Variants in CDH1 observed in about 807,000 individuals in gnomAD.
CDH1 encodes the protein cadherin 1, also known as cadherin-1.
A neutral mutation model predicts 84.5 loss-of-function variants in CDH1; 35 were observed. The ratio of observed to expected loss-of-function variants is 0.41; its 90% CI spans 0.32 to 0.55. CDH1 has a LOEUF of 0.55. CDH1 is among the 20% of genes least tolerant of loss of function. The pLI is 0.19. For missense variants in CDH1, 994 were observed against 1,126.6 expected (o/e 0.88, Z 1.68); for synonymous variants, 417 against 439.0 (o/e 0.95, Z 0.63).
chr16:68,794,511 A>G (rs1960302106), intron 2 of CDH1, among the ~76,000 whole-genome samples: 1 of 151,880 alleles, frequency 6.6e-6, no homozygotes, highest in African/African-American at 2.4e-5. Flanking sequence ...AAAATTTGTT[A>G]TTTTAATTTT....
chr16:68,795,313 T>C (rs1379264592), intron 2 of CDH1, among the ~76,000 whole-genome samples: 1 of 152,174 alleles, frequency 6.6e-6, no homozygotes, highest in Admixed American at 6.5e-5. Flanking sequence ...CCAGGATTCC[T>C]TTCATCCATC....
intron 11 of CDH1, 134 bp from the exon 12 acceptor site, chr16:68,821,867 G>T: frequency 4.1e-6 from 3 of 736,714 alleles, no homozygotes; most frequent in Admixed American, 2.0e-5. Context: ...GGGACAGGAG[G>T]TTCTGCGGGT....
At chr16:68,804,481 T>G (rs1356797729) in intron 3 of CDH1, among the ~76,000 whole-genome samples, 2 of 152,142 alleles carry the variant, frequency 1.3e-5, no homozygotes, top group Non-Finnish European at 2.9e-5. Context: ...TGGCCAAAAT[T>G]TAGCCTCATG....
intron 3 of CDH1, 67 bp downstream of exon 3, chr16:68,801,960 C>A: frequency 7.6e-7 from 1 of 1,312,408 alleles, no homozygotes; most frequent in Non-Finnish European, 1.1e-6. Context: ...GGTTTCTCAG[C>A]CTTGGTACCG....
chr16:68,743,339 C>CT (rs1430775447), intron 2 of CDH1, among the ~76,000 whole-genome samples: 7 of 24,390 alleles, frequency 2.9e-4, no homozygotes, highest in African/African-American at 4.6e-4. Context: ...TTCTTTCTTT[C>CT]TTTCTTTCTT....
intron 13 of CDH1, 32 bp from the exon 14 acceptor site, chr16:68,828,142 C>T (rs774906969): frequency 6.2e-7 from 1 of 1,612,986 alleles, no homozygotes; most frequent in South Asian, 1.1e-5. Flanking sequence ...CTTTGGCTCT[C>T]AACACTTGCT....
At chr16:68,753,074 G>T (rs1460855979) in intron 2 of CDH1, among the ~76,000 whole-genome samples, 1 of 151,910 alleles carries the variant, frequency 6.6e-6, no homozygotes, top group African/African-American at 2.4e-5. Flanking sequence ...CCGGCCAGGC[G>T]TGGTGGCTCA....
chr16:68,818,999 G>A (rs1961063526), intron 10 of CDH1, among the ~76,000 whole-genome samples: 1 of 152,068 alleles, frequency 6.6e-6, no homozygotes, highest in Non-Finnish European at 1.5e-5. Context: ...GGGATTACAG[G>A]CGTGTGCCAC....
At chr16:68,758,520 C>T (rs1186520996) in intron 2 of CDH1, among the ~76,000 whole-genome samples, 1 of 151,872 alleles carries the variant, frequency 6.6e-6, no homozygotes, top group East Asian at 1.9e-4. Context: ...CTGGGAGTTT[C>T]GAGGCTGCAG....
chr16:68,822,362 T>C, intron 12 of CDH1, 137 bp downstream of exon 12: 5 of 719,398 alleles, frequency 7.0e-6, no homozygotes, highest in Non-Finnish European at 1.3e-5. Flanking sequence ...TTGTCCCTTC[T>C]GTCTTTGAGG....
In CDH1 at chr16:68,767,554, C is replaced by A. The variant is rs557613711; in HGVS notation, c.163+29143C>A. Among the ~76,000 whole-genome samples the A allele has an allele frequency of 5.3e-5, 8 of 152,308 alleles. No individual in the cohort carries two copies. In the South Asian group the frequency reaches 1.4e-3, roughly 28 times the overall value. ...GGGATTCCCCAGAGATGGGGATTCT[C>A]TTTCTCATAGTAACAAGACTTCCCA... On this transcript the variant is annotated intron_variant, in intron 2 of 15. Coordinates refer to ENST00000261769, the MANE Select transcript of CDH1 (RefSeq NM_004360.5).
chr16:68,769,398 G>A (rs1959480441), intron 2 of CDH1, among the ~76,000 whole-genome samples: 1 of 151,944 alleles, frequency 6.6e-6, no homozygotes, highest in Non-Finnish European at 1.5e-5. Context: ...GCAGCACATG[G>A]TAAGATGCCT....
At chr16:68,766,017 T>C (rs1481467697) in intron 2 of CDH1, among the ~76,000 whole-genome samples, 1 of 152,126 alleles carries the variant, frequency 6.6e-6, no homozygotes, top group Non-Finnish European at 1.5e-5. Flanking sequence ...CCCAGCACTT[T>C]GGGAGGCCAA....
At chr16:68,773,957 C>T (rs748681649) in intron 2 of CDH1, among the ~76,000 whole-genome samples, 1 of 152,232 alleles carries the variant, frequency 6.6e-6, no homozygotes, top group Non-Finnish European at 1.5e-5. Context: ...CGTTCTGTCA[C>T]CTAGGCTAGA....
At chr16:68,797,778 G>T (rs986675876) in intron 2 of CDH1, among the ~76,000 whole-genome samples, 1 of 152,128 alleles carries the variant, frequency 6.6e-6, no homozygotes, top group African/African-American at 2.4e-5. Context: ...TGATGATATT[G>T]TAATGAAAAG....
chr16:68,818,849 CAAAAAA>C (rs758115524), intron 10 of CDH1, among the ~76,000 whole-genome samples: 1 of 72,502 alleles, frequency 1.4e-5, no homozygotes, highest in African/African-American at 4.1e-5. Context: ...GACTCCGTCT[CAAAAAA>C]AAAAAAAAAA....
intron 2 of CDH1, among the ~76,000 whole-genome samples, chr16:68,739,292 C>T (rs1282962820): frequency 6.6e-6 from 1 of 151,956 alleles, no homozygotes; most frequent in Non-Finnish European, 1.5e-5. Context: ...TGGCGTGTGC[C>T]TGTAATCCTA....
At chr16:68,743,454 C>A (rs1320310451) in intron 2 of CDH1, among the ~76,000 whole-genome samples, 1 of 151,922 alleles carries the variant, frequency 6.6e-6, no homozygotes, top group African/African-American at 2.4e-5. Flanking sequence ...CAACCCCCGC[C>A]TGCCATGTTC....
In CDH1 at chr16:68,822,976, G is replaced by A. The variant is rs144719031; in HGVS notation, c.1937-423G>A. On this transcript the variant is annotated intron_variant, in intron 12 of 15. Coordinates refer to ENST00000261769, the MANE Select transcript of CDH1 (RefSeq NM_004360.5). ...ACCCCCATATCTGTGACTTCCTGGA[G>A]AGCCACTTCCTAGATGAAAAAGTAA... 1.7e-3 allele frequency: 431 copies of A among 247,194 alleles called. 2 individuals carry two copies. Among genetic ancestry groups the A allele is most frequent in the African/African-American group, 9.6e-3 (415 of 43,104 alleles). The allele number at this position is 247,194 out of a possible 1,614,324, so 15.3% of individuals were successfully genotyped here.
Sources: gnomAD v4.1 joint callset for allele counts (sites outside exome capture counted in the v4.1 genomes callset) on GRCh38, gnomAD v4.1.1 for gene constraint, MANE v1.5 for transcripts, NCBI Gene and HGNC (gene_info 2026-07-23, HGNC 2026-07-21) for gene names.